SPAG16: variants seen among roughly 807,000 people sequenced by gnomAD.
SPAG16 encodes the protein sperm-associated antigen 16 protein.
In SPAG16, 86 loss-of-function variants were observed where a neutral mutation model predicts 80.4. That is an observed-to-expected ratio of 1.07 (90% CI 0.90 to 1.28). The LOEUF is 1.28. SPAG16 is among the 50% of genes most tolerant of loss of function. The probability of loss-of-function intolerance (pLI) is 0.00; values close to 1 mark genes in which losing one functional copy is unlikely to be tolerated. For synonymous variants in SPAG16, 294 were observed against 265.9 expected, an observed-to-expected ratio of 1.11 and a Z score of -1.03; for missense variants, 870 against 765.3, an observed-to-expected ratio of 1.14 and a Z score of -1.61.
chr2:213,338,267 G>A (rs2064485813), intron 5 of SPAG16, among the ~76,000 whole-genome samples: 1 of 152,132 alleles, frequency 6.6e-6, no homozygotes. Context: ...AAAACACACT[G>A]AAGTACACAG....
At chr2:213,450,842 A>G (rs1465862624) in intron 9 of SPAG16, among the ~76,000 whole-genome samples, 1 of 152,178 alleles carries the variant, frequency 6.6e-6, no homozygotes, top group African/African-American at 2.4e-5. Context: ...ATTTTTTTCT[A>G]TATCTCTGGA....
At chr2:214,071,350 T>C (rs1033755526) in intron 13 of SPAG16, among the ~76,000 whole-genome samples, 1 of 152,148 alleles carries the variant, frequency 6.6e-6, no homozygotes, top group African/African-American at 2.4e-5. Flanking sequence ...TATAGTCATA[T>C]TAGCTCAAAA....
chr2:214,397,365 G>A (rs966740956), intron 15 of SPAG16, among the ~76,000 whole-genome samples: 2 of 151,884 alleles, frequency 1.3e-5, no homozygotes, highest in African/African-American at 4.8e-5. Context: ...TTGCCACGTT[G>A]GCCAGGATGG....
At chr2:213,552,875 G>T (rs1397710127) in intron 10 of SPAG16, among the ~76,000 whole-genome samples, 1 of 152,164 alleles carries the variant, frequency 6.6e-6, no homozygotes, top group Non-Finnish European at 1.5e-5. Flanking sequence ...TCCCATGCTG[G>T]ATGCTTCTTG....
chr2:213,468,504 GATATATAT>G lies in SPAG16; in HGVS notation c.943-21454_943-21447del, dbSNP rs1198735373. Among the ~76,000 whole-genome samples, 15 of 58,574 alleles carry G rather than the reference GATATATAT, an allele frequency of 2.6e-4. 1 individual carries two copies. The Middle Eastern group carries it at 0.038, about 150-fold the overall frequency. 38.4% of individuals were successfully genotyped at this position (58,574 alleles called of 152,430 possible). A position where few individuals can be genotyped will look rare whatever the true frequency, so the allele number is the denominator to read the frequency against. ...AGATATATATATGTATTTATATATA[GATATATAT>G]ATATCTATGTATTTATATATAGATA... On this transcript the variant is annotated intron_variant, in intron 9 of 15. Coordinates refer to ENST00000331683, the MANE Select transcript of SPAG16 (RefSeq NM_024532.5).
intron 10 of SPAG16, among the ~76,000 whole-genome samples, chr2:213,693,072 T>C (rs1410824583): frequency 6.6e-6 from 1 of 152,234 alleles, no homozygotes. Flanking sequence ...CATGCATTTC[T>C]AAGCAAACTA....
chr2:214,173,017 G>C (rs1406135255), intron 15 of SPAG16, among the ~76,000 whole-genome samples: 2 of 150,934 alleles, frequency 1.3e-5, no homozygotes, highest in Non-Finnish European at 3.0e-5. Flanking sequence ...AGATGAGTAG[G>C]TTGCGAAAAT....
intron 13 of SPAG16, among the ~76,000 whole-genome samples, chr2:214,094,018 G>C (rs546055811): frequency 1.3e-5 from 2 of 152,096 alleles, no homozygotes; most frequent in African/African-American, 4.8e-5. Flanking sequence ...ATATCACCTG[G>C]GAGCTTATGA....
intron 11 of SPAG16, among the ~76,000 whole-genome samples, chr2:213,878,824 A>G (rs1243788986): frequency 1.3e-5 from 2 of 152,070 alleles, no homozygotes; most frequent in Non-Finnish European, 2.9e-5. Context: ...TGATTTTTGT[A>G]TATGGTGGGA....
intron 15 of SPAG16, among the ~76,000 whole-genome samples, chr2:214,332,496 T>G (rs1696992199): frequency 6.6e-6 from 1 of 152,236 alleles, no homozygotes; most frequent in South Asian, 2.1e-4. Flanking sequence ...TGGTAGATGC[T>G]CTCTTGAAGA....
intron 15 of SPAG16, among the ~76,000 whole-genome samples, chr2:214,319,749 C>A (rs1174426121): frequency 6.6e-6 from 1 of 152,136 alleles, no homozygotes; most frequent in East Asian, 1.9e-4. Flanking sequence ...ATATCTCATA[C>A]AATGCCTGGA....
intron 10 of SPAG16, among the ~76,000 whole-genome samples, chr2:213,768,462 A>G (rs2069064608): frequency 6.6e-6 from 1 of 152,198 alleles, no homozygotes; most frequent in Non-Finnish European, 1.5e-5. Context: ...TTAGACTAGT[A>G]GACTTCACAA....
At chr2:213,937,601 AAT>A (rs2079040600) in intron 12 of SPAG16, among the ~76,000 whole-genome samples, 1 of 152,046 alleles carries the variant, frequency 6.6e-6, no homozygotes, top group Non-Finnish European at 1.5e-5. Context: ...TAGACACATA[AAT>A]AAGCACAAAA....
intron 10 of SPAG16, among the ~76,000 whole-genome samples, chr2:213,696,942 T>C (rs2065179874): frequency 6.6e-6 from 1 of 152,138 alleles, no homozygotes; most frequent in South Asian, 2.1e-4. Flanking sequence ...TTCTAGAATA[T>C]GTATGCTGCT....
At chr2:214,334,140 T>C (rs937770888) in intron 15 of SPAG16, among the ~76,000 whole-genome samples, 1 of 152,166 alleles carries the variant, frequency 6.6e-6, no homozygotes, top group Non-Finnish European at 1.5e-5. Context: ...AGTTACATCA[T>C]CTATCTCCTT....
chr2:213,725,107 C>T (rs1451014481), intron 10 of SPAG16, among the ~76,000 whole-genome samples: 1 of 151,962 alleles, frequency 6.6e-6, no homozygotes, highest in Admixed American at 6.6e-5. Flanking sequence ...TCTTGGCTCA[C>T]TGCAGTCTCA....
intron 15 of SPAG16, among the ~76,000 whole-genome samples, chr2:214,327,583 C>T (rs1696579470): frequency 6.6e-6 from 1 of 152,178 alleles, no homozygotes; most frequent in Non-Finnish European, 1.5e-5. Context: ...GATAATTTAA[C>T]TGCCTTTTGG....
At chr2:213,651,704 G>A (rs1559345054) in intron 10 of SPAG16, among the ~76,000 whole-genome samples, 1 of 152,074 alleles carries the variant, frequency 6.6e-6, no homozygotes, top group African/African-American at 2.4e-5. Flanking sequence ...GGAATTTCTG[G>A]AAATGTAATT....
intron 3 of SPAG16, among the ~76,000 whole-genome samples, chr2:213,309,456 T>C (rs1226944620): frequency 6.6e-6 from 1 of 152,148 alleles, no homozygotes; most frequent in Non-Finnish European, 1.5e-5. Flanking sequence ...TATTTCTTTT[T>C]AAATGATAAT....
Sources: gnomAD v4.1 joint callset for allele counts (sites outside exome capture counted in the v4.1 genomes callset) on GRCh38, gnomAD v4.1.1 for gene constraint, MANE v1.5 for transcripts, NCBI Gene and HGNC (gene_info 2026-07-23, HGNC 2026-07-21) for gene names.